The following AGBL2 variants were observed in gnomAD, a reference collection of about 807,000 sequenced individuals.
AGBL2 encodes AGBL carboxypeptidase 2.
A neutral mutation model predicts 103.0 loss-of-function variants in AGBL2; 87 were observed. The ratio of observed to expected loss-of-function variants is 0.84; its 90% CI spans 0.71 to 1.01. The LOEUF is 1.01. AGBL2 is among the 50% of genes least tolerant of loss of function. The pLI is 0.00. For synonymous variants in AGBL2, 335 were observed against 356.7 expected, an observed-to-expected ratio of 0.94 and a Z score of 0.69; for missense variants, 904 against 1,023.5, an observed-to-expected ratio of 0.88 and a Z score of 1.59.
At chr11:47,714,168 T>C in intron 3 of AGBL2, 116 bp downstream of exon 3, 1 of 756,040 alleles carries the variant, frequency 1.3e-6, no homozygotes, top group South Asian at 1.6e-5. Flanking sequence ...GGAAAAAGTA[T>C]TTATTTGTCA....
intron 7 of AGBL2, among the ~76,000 whole-genome samples, chr11:47,703,833 G>A (rs187869261): frequency 1.9e-3 from 287 of 151,000 alleles, no homozygotes; most frequent in Middle Eastern, 0.014. Flanking sequence ...GCTGAGGCAG[G>A]AGAATCATTT....
At chr11:47,707,385 G>C (rs898629253) in intron 4 of AGBL2, among the ~76,000 whole-genome samples, 2 of 152,198 alleles carry the variant, frequency 1.3e-5, no homozygotes, top group Non-Finnish European at 2.9e-5. Flanking sequence ...ACACTTCCAC[G>C]TGGCTGGGGA....
At chr11:47,691,294 A>G (rs1249305004) in intron 9 of AGBL2, among the ~76,000 whole-genome samples, 1 of 151,790 alleles carries the variant, frequency 6.6e-6, no homozygotes, top group Non-Finnish European at 1.5e-5. Flanking sequence ...AACAAAAACA[A>G]TAAGGAAGTA....
At chr11:47,691,729 A>AAAAAAAAAAAATATATACATAT in intron 9 of AGBL2, among the ~76,000 whole-genome samples, 1 of 4,850 alleles carries the variant, frequency 2.1e-4, no homozygotes, top group Non-Finnish European at 3.6e-4. Flanking sequence ...AAAAAAAAAA[A>AAAAAAAAAAAATATATACATAT]ATATATATAT....
At chr11:47,682,195 A>G in intron 11 of AGBL2, 100 bp from the exon 12 acceptor site, 1 of 1,212,492 alleles carries the variant, frequency 8.2e-7, no homozygotes, top group Non-Finnish European at 1.2e-6. Flanking sequence ...TGGGGTCCAT[A>G]TGTTATTTCC....
chr11:47,693,499 G>A lies in AGBL2; in HGVS notation c.695-1243C>T, dbSNP rs958789422. 5.3e-5 allele frequency among the ~76,000 whole-genome samples: 8 copies of A among 151,416 alleles called. No homozygotes were observed. The Admixed American group carries it at 5.3e-4, about 10-fold the overall frequency. On this transcript the variant is annotated intron_variant, in intron 8 of 18. Coordinates refer to ENST00000525123, the MANE Select transcript of AGBL2 (RefSeq NM_024783.4). ...GAGGCCATTCTTTCTCCACTGAACA[G>A]TCTTGGCACCCTTGTCAAAAATGAA...
chr11:47,681,852 A>G (rs905686936), intron 12 of AGBL2, 117 bp downstream of exon 12: 7 of 1,292,410 alleles, frequency 5.4e-6, no homozygotes, highest in Middle Eastern at 1.9e-4. Context: ...ATAAGTCTAG[A>G]CAAAGAAATC....
Position 47,667,035 on chromosome 11 carries a change from T to C in AGBL2, c.2369A>G (p.Gln790Arg). The C allele has an allele frequency of 6.2e-7, 1 of 1,612,214 alleles. No homozygotes were observed. The highest frequency in any genetic ancestry group is 1.1e-5 in the South Asian group (1 of 90,726). The change falls in exon 17 of 19, where the codon CAA becomes CGA. Residue 790 changes from glutamine (Q) to arginine (R), a missense_variant. Coordinates refer to ENST00000525123, the MANE Select transcript of AGBL2 (RefSeq NM_024783.4). ...GTTTTTGAAAAAGGTTGGCTGCTTT[T>C]GCAGAGTAGAAGCAAATCCTGCCTT... ...SEKAGFASTLQKQPTFFKNSE... is the reference protein window; with the variant it reads ...SEKAGFASTLRKQPTFFKNSE...
chr11:47,710,611 C>G (rs978042762), intron 3 of AGBL2, 100 bp from the exon 4 acceptor site: 23 of 1,379,166 alleles, frequency 1.7e-5, no homozygotes, highest in Middle Eastern at 1.8e-4. Flanking sequence ...CACCACCCAC[C>G]ACCACAGCCC....
chr11:47,693,483 C>G (rs192809455), intron 8 of AGBL2, among the ~76,000 whole-genome samples: 19 of 152,174 alleles, frequency 1.2e-4, no homozygotes, highest in Admixed American at 1.2e-3. Context: ...AGAGGCCATT[C>G]TTTCTCCACT....
intron 9 of AGBL2, among the ~76,000 whole-genome samples, chr11:47,691,611 G>C (rs1283996404): frequency 6.8e-6 from 1 of 146,120 alleles, no homozygotes; most frequent in South Asian, 2.2e-4. Context: ...AGGAGGCTGA[G>C]GCAGGAGAAT....
Position 47,712,792 on chromosome 11 carries a change from C to G in AGBL2, c.97+1492G>C, listed in dbSNP as rs139381860. ...TGGTGGCTCATGCCTGTAATCTTGGCATTTTGGGAGGCTGAGGTGGGTGGA... is the reference window on the plus strand; with the variant it reads ...TGGTGGCTCATGCCTGTAATCTTGGGATTTTGGGAGGCTGAGGTGGGTGGA... On this transcript the variant is annotated intron_variant, in intron 3 of 18. Transcript: ENST00000525123. Among the ~76,000 whole-genome samples the G allele has an allele frequency of 4.1e-3, 620 of 152,208 alleles. 1 individual carries two copies. Among genetic ancestry groups the G allele is most frequent in the African/African-American group, 0.015 (605 of 41,522 alleles).
chr11:47,710,657 TCATA>T, intron 3 of AGBL2, 146 bp from the exon 4 acceptor site: 1 of 929,774 alleles, frequency 1.1e-6, no homozygotes, highest in East Asian at 2.5e-5. Flanking sequence ...CAAAGAGCTT[TCATA>T]TTCCAACTTA....
chr11:47,709,199 C>T (rs1321821222), intron 4 of AGBL2, among the ~76,000 whole-genome samples: 6 of 152,068 alleles, frequency 3.9e-5, no homozygotes, highest in African/African-American at 1.4e-4. Context: ...AAAAAAGGGA[C>T]CTAATCAGAT....
chr11:47,714,799 G>A, intron 1 of AGBL2, 49 bp from the exon 2 acceptor site: 1 of 784,556 alleles, frequency 1.3e-6, no homozygotes, highest in Non-Finnish European at 2.2e-6. Context: ...TACCTCCCCG[G>A]GCGCCCCCCA....
At chr11:47,706,926 C>T (rs928407311) in intron 4 of AGBL2, among the ~76,000 whole-genome samples, 1 of 144,368 alleles carries the variant, frequency 6.9e-6, no homozygotes, top group East Asian at 2.0e-4. Context: ...ATTAGCCGGG[C>T]CTGTAATCCC....
chr11:47,667,516 C>T, intron 16 of AGBL2, 55 bp downstream of exon 16: 1 of 1,594,468 alleles, frequency 6.3e-7, no homozygotes, highest in Non-Finnish European at 8.5e-7. Flanking sequence ...TTCCTTATCC[C>T]TCTATGGAAT....
intron 13 of AGBL2, among the ~76,000 whole-genome samples, chr11:47,678,812 G>T (rs6485768): frequency 6.6e-6 from 1 of 150,776 alleles, no homozygotes; most frequent in African/African-American, 2.4e-5. Context: ...AATCCCAGCA[G>T]TTTGGGAGGC....
chr11:47,692,113 C>CT lies in AGBL2; in HGVS notation c.837dup (p.Ala280SerfsTer8). Reference sequence around the variant, plus strand: ...GAAATTGTTACTCACACTCTGACAGCTTTTTGCAGATTCCCACTCTCAAAC... The same window carrying CT: ...GAAATTGTTACTCACACTCTGACAGCTTTTTTGCAGATTCCCACTCTCAAAC... On this transcript the variant is annotated frameshift_variant, in exon 9 of 19. Transcript: ENST00000525123. LOFTEE classifies it high-confidence loss of function. 6.2e-7 allele frequency: 1 copy of CT among 1,611,712 alleles called. No homozygotes were observed.
Sources: allele counts gnomAD v4.1 joint callset (sites outside exome capture counted in the v4.1 genomes callset), GRCh38; gene constraint gnomAD v4.1.1; transcripts MANE v1.5; gene names NCBI Gene and HGNC (gene_info 2026-07-23, HGNC 2026-07-21).